PHRF1: variants seen among roughly 807,000 people sequenced by gnomAD.
The protein encoded by PHRF1 is PHD and RING finger domain-containing protein 1.
In PHRF1, 53 loss-of-function variants were observed where a neutral mutation model predicts 128.9. That is an observed-to-expected ratio of 0.41 (90% confidence interval 0.33 to 0.52). The LOEUF (loss-of-function observed/expected upper bound fraction) is 0.52. PHRF1 is among the 20% of genes least tolerant of loss of function. The pLI is 0.21. For synonymous variants in PHRF1, 1,178 were observed against 980.6 expected, an observed-to-expected ratio of 1.20 and a Z score of -3.76; for missense variants, 2,503 against 2,284.5, an observed-to-expected ratio of 1.10 and a Z score of -1.95.
chr11:581,007 A>G (rs940465820), intron 1 of PHRF1, among the ~76,000 whole-genome samples: 10 of 151,088 alleles, frequency 6.6e-5, no homozygotes, highest in African/African-American at 2.2e-4. Context: ...TATTTTTAGT[A>G]GAGATGGGGT....
In PHRF1 at chr11:607,511, C is replaced by G. The variant is rs755402608; in HGVS notation, c.2055C>G (p.Ile685Met). ...DISELPRIPK[I>M]RRDDGGGRRD... Reference sequence around the variant, plus strand: ...CTGAGCTACCCAGGATACCAAAGATCAGGAGAGATGACGGTGGTGGCAGAC... The same window carrying G: ...CTGAGCTACCCAGGATACCAAAGATGAGGAGAGATGACGGTGGTGGCAGAC... Residue 685 changes from isoleucine to methionine, a missense_variant, in exon 14 of 18, where the codon ATC becomes ATG. Transcript: ENST00000264555. The G allele has an allele frequency of 3.1e-6, 5 of 1,612,800 alleles. No homozygotes were observed. In the Admixed American group the frequency reaches 5.0e-5, roughly 16 times the overall value.
rs777641794 is a variant in PHRF1 at position 608,767 on chromosome 11, A to G, written c.3311A>G (p.Tyr1104Cys). 2.2e-5 allele frequency: 36 copies of G among 1,611,464 alleles called. No homozygotes were observed. Among genetic ancestry groups the G allele is most frequent in the Admixed American group, 8.4e-5 (5 of 59,872 alleles). Reference sequence around the variant, plus strand: ...CCTGGCAGCTCTTCCTATGAGCACTATGAGAGTAGGAAGAAGAAGAAAAGG... The same window carrying G: ...CCTGGCAGCTCTTCCTATGAGCACTGTGAGAGTAGGAAGAAGAAGAAAAGG... ...GSPGSSSYEH[Y>C]ESRKKKKRRS... is the part of the protein sequence containing the mutation. The change falls in exon 14 of 18, where the codon TAT (tyrosine) becomes TGT (cysteine). Residue 1104 changes from tyrosine (Y) to cysteine (C), a missense_variant. Physicochemically the swap from Tyr to Cys is radical, Grantham distance 194. Coordinates refer to ENST00000264555, the MANE Select transcript of PHRF1 (RefSeq NM_001286581.2).
chr11:577,528 T>G (rs1853951198), intron 1 of PHRF1, among the ~76,000 whole-genome samples: 1 of 152,238 alleles, frequency 6.6e-6, no homozygotes, highest in African/African-American at 2.4e-5. Flanking sequence ...TGCTAGTGGA[T>G]GGATGGCACC....
Position 608,224 on chromosome 11 carries a change from C to G in PHRF1, c.2768C>G (p.Thr923Arg). 1 of 1,609,756 alleles carries G rather than the reference C, an allele frequency of 6.2e-7. No individual in the cohort carries two copies. The change falls in exon 14 of 18, where the codon ACA becomes AGA. Residue 923 changes from threonine to arginine, a missense_variant. Transcript: ENST00000264555. ...GASDTEREEP[T>R]ESQGLAARLR... ...TCTGACACGGAGCGAGAGGAGCCCA[C>G]AGAGAGCCAGGGCCTGGCTGCCCGG...
At chr11:590,405 G>A (rs985065742) in intron 4 of PHRF1, among the ~76,000 whole-genome samples, 5 of 152,212 alleles carry the variant, frequency 3.3e-5, no homozygotes, top group African/African-American at 9.7e-5. Context: ...AATGCCATGA[G>A]CAGAGTCCAT....
chr11:600,790 C>G (rs58391969), intron 9 of PHRF1, among the ~76,000 whole-genome samples: 2,367 of 152,066 alleles, frequency 0.016, 58 homozygotes, highest in African/African-American at 0.054. Flanking sequence ...CACGGTGAAA[C>G]CCCGTCTCTA....
At chr11:606,710 C>A in intron 13 of PHRF1, 114 bp downstream of exon 13, 3 of 1,386,414 alleles carry the variant, frequency 2.2e-6, no homozygotes, top group Non-Finnish European at 2.9e-6. Flanking sequence ...GTTGGGGGGA[C>A]CATTCCTCAG....
intron 9 of PHRF1, among the ~76,000 whole-genome samples, chr11:599,932 A>T (rs1206248143): frequency 6.6e-6 from 1 of 151,996 alleles, no homozygotes; most frequent in Non-Finnish European, 1.5e-5. Context: ...CTGATTTTTT[A>T]TTATTGAGAA....
intron 9 of PHRF1, among the ~76,000 whole-genome samples, chr11:601,353 C>T (rs1279959129): frequency 1.3e-5 from 2 of 151,050 alleles, no homozygotes; most frequent in Non-Finnish European, 2.9e-5. Flanking sequence ...CACGTGAGCC[C>T]AGGAGTTGGA....
chr11:589,701 A>G (rs1454953754), intron 4 of PHRF1, among the ~76,000 whole-genome samples: 1 of 152,284 alleles, frequency 6.6e-6, no homozygotes, highest in Non-Finnish European at 1.5e-5. Flanking sequence ...AAGCATGGGT[A>G]GCTCTGTGAT....
chr11:609,102 C>G lies in PHRF1; in HGVS notation c.3646C>G (p.Leu1216Val), dbSNP rs776770238. The change falls in exon 14 of 18, where the codon CTC becomes GTC. Residue 1216 changes from leucine (L) to valine (V), a missense_variant. Leu to Val is a conservative substitution (Grantham distance 32). Transcript: ENST00000264555. ...ACAGGGGGAGCCAGGGCGGGAAGAC[C>G]TCCCCACCAGGTTGCCAGCCTTGGG... ...LAQGEPGRED[L>V]PTRLPALGEA... 1 of 1,605,244 alleles carries G rather than the reference C, an allele frequency of 6.2e-7. No individual in the cohort carries two copies. Among genetic ancestry groups the G allele is most frequent in the Admixed American group, 1.7e-5 (1 of 59,738 alleles).
chr11:580,916 C>T (rs867540048), intron 1 of PHRF1, among the ~76,000 whole-genome samples: 3 of 152,032 alleles, frequency 2.0e-5, no homozygotes, highest in African/African-American at 4.8e-5. Flanking sequence ...CTCAAACTCC[C>T]GACCTCAGGT....
At chr11:606,206 A>G (rs1345725771) in intron 12 of PHRF1, among the ~76,000 whole-genome samples, 2 of 152,192 alleles carry the variant, frequency 1.3e-5, no homozygotes, top group African/African-American at 4.8e-5. Flanking sequence ...CTTCTCCCAA[A>G]AACGCCTGGT....
intron 4 of PHRF1, among the ~76,000 whole-genome samples, chr11:588,348 G>A (rs922867766): frequency 2.6e-5 from 4 of 152,162 alleles, no homozygotes; most frequent in African/African-American, 9.7e-5. Flanking sequence ...TGGGTCCACA[G>A]CACACAGTAG....
At chr11:611,332 C>T (rs1352228127) in intron 17 of PHRF1, among the ~76,000 whole-genome samples, 2 of 152,194 alleles carry the variant, frequency 1.3e-5, no homozygotes, top group Non-Finnish European at 1.5e-5. Context: ...AACTACCCAG[C>T]CCACGCCCAG....
intron 5 of PHRF1, among the ~76,000 whole-genome samples, chr11:592,214 C>T (rs1025069245): frequency 5.0e-5 from 7 of 138,652 alleles, no homozygotes; most frequent in African/African-American, 1.6e-4. Context: ...CGTGCCCAGC[C>T]TTTTTTTTTT....
At chr11:581,226 C>T (rs1298206054) in intron 1 of PHRF1, among the ~76,000 whole-genome samples, 5 of 151,890 alleles carry the variant, frequency 3.3e-5, no homozygotes, top group African/African-American at 7.3e-5. Context: ...GTAAGGCTTA[C>T]TGGTGAGGGT....
Position 610,343 on chromosome 11 carries a change from C to G in PHRF1, c.4412C>G (p.Ser1471Cys). The change falls in exon 15 of 18, where the codon TCT becomes TGT. Residue 1471 changes from serine to cysteine, a missense_variant. Transcript: ENST00000264555. ...PEPGFPDTDPSQVYSPGLPPA... is the reference protein window; with the variant it reads ...PEPGFPDTDPCQVYSPGLPPA... ...CCCGGGTTCCCAGACACAGACCCCT[C>G]TCAGGTGGGTGTCTGGGCTGGAGGG... 1.9e-6 allele frequency: 3 copies of G among 1,562,930 alleles called. No homozygotes were observed. In the East Asian group the frequency reaches 7.1e-5, roughly 37 times the overall value.
chr11:606,383 G>C, intron 12 of PHRF1, 59 bp from the exon 13 acceptor site: 1 of 1,494,930 alleles, frequency 6.7e-7, no homozygotes, highest in East Asian at 2.5e-5. Context: ...CTCTGCCTGG[G>C]TGCGGGCCCT....
Sources: gnomAD v4.1 joint callset for allele counts (sites outside exome capture counted in the v4.1 genomes callset) on GRCh38, gnomAD v4.1.1 for gene constraint, MANE v1.5 for transcripts, NCBI Gene and HGNC (gene_info 2026-07-23, HGNC 2026-07-21) for gene names.